MTERF4: variants seen among roughly 807,000 people sequenced by gnomAD.
The protein encoded by MTERF4 is mitochondrial transcription termination factor 4.
A neutral mutation model predicts 22.5 loss-of-function variants in MTERF4; 17 were observed. The ratio of observed to expected loss-of-function variants is 0.75; its 90% CI spans 0.52 to 1.13. The LOEUF is 1.13. MTERF4 is among the 50% of genes most tolerant of loss of function. The probability of loss-of-function intolerance (pLI) is 0.00; values close to 1 mark genes in which losing one functional copy is unlikely to be tolerated. For synonymous variants in MTERF4, 165 were observed against 175.3 expected (o/e 0.94, Z 0.47); for missense variants, 420 against 466.8 (o/e 0.90, Z 0.92).
In MTERF4 at chr2:241,075,930, T is replaced by C. The variant is rs2062999565; in HGVS notation, n.480-248A>G. 6.6e-6 allele frequency among the ~76,000 whole-genome samples: 1 copy of C among 152,232 alleles called. No homozygotes were observed. The highest frequency in any genetic ancestry group is 1.5e-5 in the Non-Finnish European group (1 of 68,036). On this transcript the variant is annotated intron_variant and non_coding_transcript_variant, in intron 4 of 4. Coordinates refer to the MTERF4 transcript ENST00000464344. The surrounding 1 kb of genome is among the most constrained non-coding windows in gnomAD (Gnocchi z 4.8). ...GTAAACTGGATTTTTCATCTCTTCA[T>C]GCTAAAAAGTCCCTTTTTCCCCCAC...
At chr2:241,065,546 T>C in the MTERF4 span, 1 of 1,612,720 alleles carries the variant, frequency 6.2e-7, no homozygotes, top group South Asian at 1.1e-5. Context: ...AGCGAAACAG[T>C]AACAACAAGA....
the MTERF4 span, among the ~76,000 whole-genome samples, chr2:241,053,565 C>G: frequency 6.6e-6 from 1 of 152,180 alleles, no homozygotes; most frequent in East Asian, 1.9e-4. Flanking sequence ...CAGAGCAGCC[C>G]GGAGCAGGAG....
the MTERF4 span, among the ~76,000 whole-genome samples, chr2:241,044,709 A>AGG: frequency 6.5e-4 from 99 of 152,320 alleles, 1 homozygote; most frequent in African/African-American, 2.2e-3. Flanking sequence ...AAGTGCCCTT[A>AGG]AACTGCGAAG....
the MTERF4 span, chr2:241,049,915 G>A: frequency 6.2e-7 from 1 of 1,613,396 alleles, no homozygotes; most frequent in Admixed American, 1.7e-5. Context: ...CGGGTTCCAC[G>A]GCAAGCACTG....
At chr2:241,047,913 T>G in the MTERF4 span, among the ~76,000 whole-genome samples, 1 of 151,456 alleles carries the variant, frequency 6.6e-6, no homozygotes, top group Non-Finnish European at 1.5e-5. Context: ...CTCCGGTGCT[T>G]CTTGTTCTGT....
At chr2:241,070,493 C>T (rs797012907), downstream of MTERF4, among the ~76,000 whole-genome samples, 19 of 152,336 alleles carry the variant, frequency 1.2e-4, no homozygotes, top group East Asian at 5.8e-4. Flanking sequence ...CACCTGAAAA[C>T]GGGTGCCGAG....
At chr2:241,058,949 CAA>C in the MTERF4 span, among the ~76,000 whole-genome samples, 1 of 130,834 alleles carries the variant, frequency 7.6e-6, no homozygotes, top group Admixed American at 7.7e-5. Context: ...GACTCTGTTT[CAA>C]AAAAAAAAAA....
chr2:241,071,353 T>C, downstream of MTERF4: 1 of 600,000 alleles, frequency 1.7e-6, no homozygotes, highest in Non-Finnish European at 3.0e-6. Context: ...GTGTCATGGC[T>C]GCGCATGGCT....
chr2:241,101,282 C>A (rs937364807), intron 1 of MTERF4: 1 of 419,886 alleles, frequency 2.4e-6, no homozygotes, highest in Non-Finnish European at 5.1e-6. Context: ...AGGAGCGCAA[C>A]CTGGACCCCT....
the MTERF4 span, among the ~76,000 whole-genome samples, chr2:241,055,647 C>T: frequency 1.3e-5 from 2 of 152,202 alleles, no homozygotes; most frequent in Admixed American, 1.3e-4. Flanking sequence ...CCAAATTTGT[C>T]ATGCTGCAGG....
At chr2:241,092,837 C>G (rs1374653279), downstream of MTERF4, 1 of 152,260 alleles carries the variant, frequency 6.6e-6, no homozygotes, top group African/African-American at 2.4e-5. This position sits in a 1 kb window ranked among gnomAD's most constrained non-coding sequence, Gnocchi z 4.6. Context: ...AAGCAGCTGT[C>G]TTCCCCCTGC....
chr2:241,047,089 G>A, the MTERF4 span, among the ~76,000 whole-genome samples: 1 of 147,322 alleles, frequency 6.8e-6, no homozygotes, highest in East Asian at 2.0e-4. Flanking sequence ...AGGTTGCAGT[G>A]AGCCGAGATC....
the MTERF4 span, chr2:241,065,283 G>T: frequency 1.9e-6 from 3 of 1,611,810 alleles, no homozygotes; most frequent in African/African-American, 4.0e-5. Flanking sequence ...CCCTTGTTTT[G>T]ACCCAAACCC....
chr2:241,088,121 C>A, downstream of MTERF4: 1 of 531,816 alleles, frequency 1.9e-6, no homozygotes. Context: ...TCCTCTCTCT[C>A]TCTGACTCAC....
chr2:241,069,775 C>T, downstream of MTERF4: 1 of 934,356 alleles, frequency 1.1e-6, no homozygotes, highest in Non-Finnish European at 1.6e-6. The surrounding 1 kb of genome is among the most constrained non-coding windows in gnomAD (Gnocchi z 4.9). Context: ...AGCCCACACC[C>T]CGCCTCGGCA....
At chr2:241,078,987 G>A (rs927851935) in intron 4 of MTERF4, among the ~76,000 whole-genome samples, 8 of 151,472 alleles carry the variant, frequency 5.3e-5, no homozygotes, top group South Asian at 2.1e-4. Flanking sequence ...GGTGGCACAC[G>A]CCTATAATCC....
At chr2:241,062,618 C>T in the MTERF4 span, among the ~76,000 whole-genome samples, 1 of 152,234 alleles carries the variant, frequency 6.6e-6, no homozygotes, top group African/African-American at 2.4e-5. Flanking sequence ...CACTGAGCCC[C>T]AGGCCCACTG....
At chr2:241,072,761 G>A (rs539448261) in exon 5 of MTERF4, 2 of 189,408 alleles carry the variant, frequency 1.1e-5, no homozygotes, top group African/African-American at 4.8e-5. Flanking sequence ...GGGGCCCGTT[G>A]TACTTGCAGC....
chr2:241,064,178 C>T, the MTERF4 span: 4 of 1,267,836 alleles, frequency 3.2e-6, no homozygotes, highest in East Asian at 7.9e-5. This position sits in a 1 kb window ranked among gnomAD's most constrained non-coding sequence, Gnocchi z 7.0. Flanking sequence ...GCTCCCCGCC[C>T]TCTGCCCGCC....
Sources: gnomAD v4.1 joint callset for allele counts (sites outside exome capture counted in the v4.1 genomes callset) on GRCh38, gnomAD v4.1.1 for gene constraint, Gnocchi (gnomAD v3.1) non-coding constraint, MANE v1.5 for transcripts, NCBI Gene and HGNC (gene_info 2026-07-23, HGNC 2026-07-21) for gene names.